NUP85: variants seen among roughly 807,000 people sequenced by gnomAD.
NUP85 encodes the protein nuclear pore complex protein Nup85.
In NUP85, 23 loss-of-function variants were observed where a neutral mutation model predicts 92.8. The ratio of observed to expected loss-of-function variants is 0.25; its 90% CI spans 0.18 to 0.35. The LOEUF is 0.35. Among genes scored for constraint, NUP85 ranks in the 10% least tolerant of loss-of-function variants. NUP85 has a pLI of 1.00. For synonymous variants in NUP85, 314 were observed against 306.9 expected, an observed-to-expected ratio of 1.02 and a Z score of -0.24; for missense variants, 759 against 822.8, an observed-to-expected ratio of 0.92 and a Z score of 0.95.
chr17:75,234,620 C>G lies in NUP85; in HGVS notation c.1616-17C>G, dbSNP rs570687318. ...GGGGGAATATGCAGGTTACTCAGTG[C>G]TCTTGTTTCGCCATAGGAAAGTATC... On this transcript the variant is annotated splice_polypyrimidine_tract_variant and intron_variant, in intron 16 of 18. Transcript: ENST00000245544. 4 of 1,613,346 alleles carry G rather than the reference C, an allele frequency of 2.5e-6. No individual in the cohort carries two copies. The highest frequency in any genetic ancestry group is 3.4e-6 in the Non-Finnish European group (4 of 1,179,428).
Position 75,231,467 on chromosome 17 carries a change from G to A in NUP85, c.1178+44G>A. On this transcript the variant is annotated intron_variant, in intron 12 of 18. Coordinates refer to ENST00000245544, the MANE Select transcript of NUP85 (RefSeq NM_024844.5). This position sits in a 1 kb window ranked among gnomAD's most constrained non-coding sequence, Gnocchi z 4.6. The stretch of plus-strand genomic sequence containing the variant: ...CCGATCCTCCTCTTCTTACCACCAG[G>A]CCCCCGAGGGTGGTGTGAACTGAAT... The A allele has an allele frequency of 5.6e-6, 9 of 1,608,480 alleles. No homozygotes were observed. The highest frequency in any genetic ancestry group is 5.3e-5 in the African/African-American group (4 of 74,930).
intron 16 of NUP85, among the ~76,000 whole-genome samples, 169 bp downstream of exon 16, chr17:75,233,327 TCTC>T (rs2076151237): frequency 6.6e-6 from 1 of 152,064 alleles, no homozygotes; most frequent in Non-Finnish European, 1.5e-5. Flanking sequence ...GGCTGTCACA[TCTC>T]CTTAGTGCCT....
chr17:75,233,239 C>T lies in NUP85; in HGVS notation c.1615+81C>T, dbSNP rs1366676448. The T allele has an allele frequency of 4.7e-6, 5 of 1,066,954 alleles. No homozygotes were observed. In the Admixed American group the frequency reaches 7.3e-5, roughly 16 times the overall value. The allele number at this position is 1,066,954 out of a possible 1,614,324, so 66.1% of individuals were successfully genotyped here. A position where few individuals can be genotyped will look rare whatever the true frequency, so the allele number is the denominator to read the frequency against. On this transcript the variant is annotated intron_variant, in intron 16 of 18. Transcript: ENST00000245544. ...GTTGGAGGGATCACGTCAGACTTCT[C>T]CCAGCGCTTCCTTCATGTATTCCCA...
chr17:75,235,633 A>G lies in NUP85; in HGVS notation c.1925A>G (p.Asn642Ser). ...ATGCTGAGACTTTCTCTGGCACGAA[A>G]TCTTGCTCGGGCAATTATAAGAGAA... ...VEMLRLSLAR[N>S]LARAIIREGS... The change falls in exon 19 of 19, where the codon AAT (asparagine) becomes AGT (serine). Residue 642 changes from asparagine (N) to serine (S), a missense_variant. By Grantham distance (46) the Asn-to-Ser change is conservative (BLOSUM62 1). Coordinates refer to ENST00000245544, the MANE Select transcript of NUP85 (RefSeq NM_024844.5). The G allele has an allele frequency of 6.2e-7, 1 of 1,614,190 alleles. No homozygotes were observed. The highest frequency in any genetic ancestry group is 8.5e-7 in the Non-Finnish European group (1 of 1,179,992).
intron 11 of NUP85, chr17:75,228,047 T>C: frequency 4.5e-6 from 1 of 220,864 alleles, no homozygotes; most frequent in Admixed American, 6.5e-5. Context: ...AAACACACCA[T>C]CGTTTGGCTT....
intron 11 of NUP85, chr17:75,228,671 G>A (rs2075919247): frequency 2.0e-6 from 2 of 985,324 alleles, no homozygotes; most frequent in South Asian, 4.7e-5. Flanking sequence ...CCAGTGAGCT[G>A]TTGGCATGCC....
Position 75,235,745 on chromosome 17 carries a change from G to A in NUP85, c.*66G>A. 1.6e-6 allele frequency: 2 copies of A among 1,266,216 alleles called. No homozygotes were observed. Among genetic ancestry groups the A allele is most frequent in the Middle Eastern group, 3.8e-4 (2 of 5,322 alleles). 78.4% of individuals were successfully genotyped at this position (1,266,216 alleles called of 1,614,324 possible). On this transcript the variant is annotated 3_prime_UTR_variant, in exon 19 of 19. Coordinates refer to ENST00000245544, the MANE Select transcript of NUP85 (RefSeq NM_024844.5). The stretch of plus-strand genomic sequence containing the variant: ...AGATTTTTTTAAAAGAATAAATGTT[G>A]TTTTGCAAATGTAGGTTCTTAGAGT...
rs141830409 is a variant in NUP85 at position 75,225,129 on chromosome 17, G to T, written c.624G>T (p.Arg208=). ...TGACCATCTTGGTGCTGCAGGGCCG[G>T]CTGGATGAGGCCCGACAGATGCTCT... is the stretch of plus-strand genomic sequence containing the variant. The part of the protein sequence containing the change: ...NLVTILVLQG[R]LDEARQMLSK... The change falls in exon 8 of 19, where the codon CGG becomes CGT. Residue 208 remains arginine (R), a synonymous_variant. Coordinates refer to ENST00000245544, the MANE Select transcript of NUP85 (RefSeq NM_024844.5). 32 of 1,582,924 alleles carry T rather than the reference G, an allele frequency of 2.0e-5. No homozygotes were observed. In the Middle Eastern group the frequency reaches 5.0e-4, roughly 25 times the overall value.
At chr17:75,216,974 C>T (rs1231834640) in intron 6 of NUP85, among the ~76,000 whole-genome samples, 2 of 152,252 alleles carry the variant, frequency 1.3e-5, no homozygotes, top group African/African-American at 2.4e-5. Context: ...CAGTCTGGAC[C>T]TCCCAGGCTC....
In NUP85 at chr17:75,235,621, C is replaced by T. The variant is rs776877734; in HGVS notation, c.1913C>T (p.Ser638Phe). ...ETTKVEMLRL[S>F]LARNLARAII... ...ACCAAGGTGGAAATGCTGAGACTTTCTCTGGCACGAAATCTTGCTCGGGCA... is the reference window on the plus strand; with the variant it reads ...ACCAAGGTGGAAATGCTGAGACTTTTTCTGGCACGAAATCTTGCTCGGGCA... The change falls in exon 19 of 19, where the codon TCT (serine) becomes TTT (phenylalanine). Residue 638 changes from serine to phenylalanine, a missense_variant. Transcript: ENST00000245544. The T allele has an allele frequency of 2.5e-6, 4 of 1,614,138 alleles. No homozygotes were observed. Among genetic ancestry groups the T allele is most frequent in the Non-Finnish European group, 3.4e-6 (4 of 1,179,964 alleles).
intron 17 of NUP85, 110 bp downstream of exon 17, chr17:75,234,898 G>C: frequency 7.4e-7 from 1 of 1,358,312 alleles, no homozygotes; most frequent in Non-Finnish European, 1.0e-6. Flanking sequence ...CTGCCTGTGC[G>C]CGTGTATTCC....
chr17:75,235,041 C>A, intron 17 of NUP85, 59 bp from the exon 18 acceptor site: 2 of 1,395,086 alleles, frequency 1.4e-6, no homozygotes, highest in Non-Finnish European at 1.0e-6. Flanking sequence ...TGGGCCCCTG[C>A]CCCAACCAAT....
chr17:75,214,656 C>A (rs767371179), intron 5 of NUP85, among the ~76,000 whole-genome samples: 1 of 150,382 alleles, frequency 6.6e-6, no homozygotes, highest in African/African-American at 2.5e-5. Context: ...GTTAGGAGTT[C>A]GAAACTAGCC....
chr17:75,212,502 A>C (rs1219551926), intron 4 of NUP85, among the ~76,000 whole-genome samples: 1 of 113,756 alleles, frequency 8.8e-6, no homozygotes, highest in Non-Finnish European at 1.7e-5. Context: ...TTTTTGAGAC[A>C]AGGTTGCCCA....
chr17:75,215,225 T>A (rs554519846), intron 5 of NUP85, among the ~76,000 whole-genome samples: 1 of 152,340 alleles, frequency 6.6e-6, no homozygotes, highest in African/African-American at 2.4e-5. Flanking sequence ...TTTCTTTTTT[T>A]AAATTTTGAG....
intron 15 of NUP85, 34 bp from the exon 16 acceptor site, chr17:75,233,024 A>G (rs752040574): frequency 6.2e-7 from 1 of 1,613,204 alleles, no homozygotes; most frequent in East Asian, 2.2e-5. Flanking sequence ...TGGGCCTGAG[A>G]CTGCTGCTCT....
At chr17:75,206,581 A>G (rs960487487) in intron 1 of NUP85, among the ~76,000 whole-genome samples, 2 of 152,132 alleles carry the variant, frequency 1.3e-5, no homozygotes, top group Non-Finnish European at 2.9e-5. Flanking sequence ...GCAAATGATT[A>G]CATTCTTGTG....
At chr17:75,205,869 C>G (rs1220548100) in intron 1 of NUP85, 75 bp downstream of exon 1, 11 of 1,544,988 alleles carry the variant, frequency 7.1e-6, no homozygotes, top group South Asian at 2.2e-5. Context: ...TCAGGCTTGT[C>G]TGCTTCCCTA....
intron 6 of NUP85, 127 bp from the exon 7 acceptor site, chr17:75,218,058 G>A: frequency 8.2e-7 from 1 of 1,217,602 alleles, no homozygotes; most frequent in Non-Finnish European, 1.2e-6. Flanking sequence ...CCATGTGTGT[G>A]ACTGCTTAAA....
Sources: gnomAD v4.1 joint callset for allele counts (sites outside exome capture counted in the v4.1 genomes callset) on GRCh38, gnomAD v4.1.1 for gene constraint, Gnocchi (gnomAD v3.1) non-coding constraint, MANE v1.5 for transcripts, NCBI Gene and HGNC (gene_info 2026-07-23, HGNC 2026-07-21) for gene names.